C2CD3: variants seen among roughly 807,000 people sequenced by gnomAD.
The protein encoded by C2CD3 is C2 domain-containing protein 3.
Under a neutral mutation model 234.0 loss-of-function variants are expected in C2CD3, and 148 were observed. The ratio of observed to expected loss-of-function variants is 0.63; its 90% CI spans 0.55 to 0.72. The LOEUF is 0.72. C2CD3 is among the 30% of genes least tolerant of loss of function. The pLI, the probability that C2CD3 is intolerant of heterozygous loss-of-function variation, is 0.00. For missense variants in C2CD3, 2,577 were observed against 2,811.5 expected (o/e 0.92, Z 1.89); for synonymous variants, 1,000 against 1,035.4 (o/e 0.97, Z 0.66).
At chr11:74,063,982 T>A (rs1303559648) in intron 24 of C2CD3, among the ~76,000 whole-genome samples, 1 of 152,000 alleles carries the variant, frequency 6.6e-6, no homozygotes, top group African/African-American at 2.4e-5. Context: ...CATGTGCCAT[T>A]TTGGTGTGCT....
intron 22 of C2CD3, among the ~76,000 whole-genome samples, chr11:74,080,509 A>G (rs1207927617): frequency 1.3e-5 from 2 of 152,210 alleles, no homozygotes; most frequent in East Asian, 3.8e-4. Context: ...ATGTGTAGAC[A>G]CAAAATTTCA....
intron 20 of C2CD3, among the ~76,000 whole-genome samples, chr11:74,088,373 G>A (rs923566831): frequency 4.6e-5 from 7 of 152,290 alleles, no homozygotes; most frequent in Middle Eastern, 3.4e-3. Context: ...GAGACTAGAA[G>A]CTATAGTGTC....
chr11:74,135,213 C>A (rs1302556351), intron 5 of C2CD3, among the ~76,000 whole-genome samples: 5 of 151,950 alleles, frequency 3.3e-5, no homozygotes, highest in African/African-American at 1.2e-4. Context: ...CCTAGTGATT[C>A]AAACACTTGT....
At chr11:74,109,674 G>T (rs1376336164) in intron 11 of C2CD3, among the ~76,000 whole-genome samples, 1 of 152,160 alleles carries the variant, frequency 6.6e-6, no homozygotes, top group African/African-American at 2.4e-5. Context: ...TCTATCTCTT[G>T]GGTGGAAAGG....
chr11:74,028,579 TATA>T (rs1952400152), intron 31 of C2CD3, among the ~76,000 whole-genome samples, 181 bp from the exon 32 acceptor site: 1 of 152,146 alleles, frequency 6.6e-6, no homozygotes, highest in African/African-American at 2.4e-5. Flanking sequence ...TCCTAACACA[TATA>T]AGTTTTTTAT....
rs114708917 is a variant in C2CD3 at position 74,132,939 on chromosome 11, G to T, written c.1122C>A (p.Asp374Glu). The change falls in exon 7 of 33, where the codon GAC becomes GAA. Residue 374 changes from aspartate (D) to glutamate (E), a missense_variant. Asp to Glu is a conservative substitution (Grantham distance 45). Coordinates refer to ENST00000334126, the MANE Select transcript of C2CD3 (RefSeq NM_001286577.2). The stretch of plus-strand genomic sequence containing the variant: ...AAGGGAGGAGGTGATCTTCAATGTG[G>T]TCTTTAAACCGATTCCTAGAAAAGG... ...IRAFSRNRFKDHIEDHLLPST... is the reference protein window; with the variant it reads ...IRAFSRNRFKEHIEDHLLPST... 2 of 1,613,694 alleles carry T rather than the reference G, an allele frequency of 1.2e-6. No homozygotes were observed. The highest frequency in any genetic ancestry group is 3.3e-5 in the Admixed American group (2 of 60,014).
chr11:74,132,351 A>C (rs1957704908), intron 7 of C2CD3, among the ~76,000 whole-genome samples: 1 of 152,200 alleles, frequency 6.6e-6, no homozygotes, highest in African/African-American at 2.4e-5. Context: ...ACTCCGTCTC[A>C]AAAAAACAAA....
chr11:74,085,171 T>A (rs574432334), intron 21 of C2CD3, among the ~76,000 whole-genome samples: 1 of 144,764 alleles, frequency 6.9e-6, no homozygotes, highest in Non-Finnish European at 1.5e-5. Context: ...AGGGTCTCAC[T>A]CTCTCATCCA....
chr11:74,151,615 A>G (rs1855666931), intron 3 of C2CD3, among the ~76,000 whole-genome samples: 1 of 152,120 alleles, frequency 6.6e-6, no homozygotes, highest in Non-Finnish European at 1.5e-5. Flanking sequence ...GCATGAGCCA[A>G]CGTGCCTGGC....
At position 74,034,293 on chromosome 11, in the gene C2CD3, A is replaced by AT; in HGVS notation, c.5882-16dup. 1 of 1,528,180 alleles carries AT rather than the reference A, an allele frequency of 6.5e-7. No homozygotes were observed. Among genetic ancestry groups the AT allele is most frequent in the Non-Finnish European group, 8.8e-7 (1 of 1,142,194 alleles). The allele number at this position is 1,528,180 out of a possible 1,614,324, so 94.7% of individuals were successfully genotyped here. A position where few individuals can be genotyped will look rare whatever the true frequency, so the allele number is the denominator to read the frequency against. The stretch of plus-strand genomic sequence containing the variant: ...AGTCTGCAGATCTGAACAGCAACAC[A>AT]TATCACTCTTATTACAAGGTAGGGC... On this transcript the variant is annotated splice_polypyrimidine_tract_variant and intron_variant, in intron 30 of 32. Transcript: ENST00000334126.
intron 5 of C2CD3, among the ~76,000 whole-genome samples, chr11:74,135,555 T>C (rs1957835186): frequency 6.6e-6 from 1 of 152,204 alleles, no homozygotes; most frequent in South Asian, 2.1e-4. Context: ...TAGTCAGAGA[T>C]GTGAAGTATG....
chr11:74,017,821 T>G (rs1234304430), intron 32 of C2CD3, among the ~76,000 whole-genome samples: 1 of 152,224 alleles, frequency 6.6e-6, no homozygotes, highest in East Asian at 1.9e-4. Context: ...CCCTCTTCTT[T>G]GGCCTGGAAC....
chr11:74,038,069 T>C (rs1475572037), intron 29 of C2CD3, among the ~76,000 whole-genome samples: 1 of 152,228 alleles, frequency 6.6e-6, no homozygotes, highest in African/African-American at 2.4e-5. Flanking sequence ...CTCATAACCA[T>C]TCCTGATCCT....
intron 24 of C2CD3, among the ~76,000 whole-genome samples, chr11:74,072,140 A>C (rs1954823492): frequency 6.6e-6 from 1 of 152,176 alleles, no homozygotes; most frequent in Non-Finnish European, 1.5e-5. Context: ...GTGGGGCAGA[A>C]AATTTTTTTT....
In C2CD3 at chr11:74,101,743, TAGG is replaced by T. The variant is rs141452095; in HGVS notation, c.2581-1070_2581-1068del. On this transcript the variant is annotated intron_variant, in intron 14 of 32. Transcript: ENST00000334126. ...AAGAGCACATATGAAGATACAGAAG[TAGG>T]AGAAGAGAATATTCAGGAAAGTCTA... is the stretch of plus-strand genomic sequence containing the variant. 5.6e-3 allele frequency among the ~76,000 whole-genome samples: 844 copies of T among 151,134 alleles called. 3 individuals are homozygous for T. Among genetic ancestry groups the T allele is most frequent in the Middle Eastern group, 0.017 (5 of 294 alleles).
In C2CD3 at chr11:74,098,273, G is replaced by C; in HGVS notation, c.2733-18C>G. The stretch of plus-strand genomic sequence containing the variant: ...TAGCATCTCTAGAGGGGGAGAAATT[G>C]TGAATAAGCAAATAACAAGCATCAA... On this transcript the variant is annotated intron_variant, in intron 15 of 32. Transcript: ENST00000334126. The C allele has an allele frequency of 6.2e-7, 1 of 1,609,192 alleles. No individual in the cohort carries two copies. Among genetic ancestry groups the C allele is most frequent in the Non-Finnish European group, 8.5e-7 (1 of 1,176,604 alleles).
At chr11:74,075,961 G>T (rs552662310) in intron 23 of C2CD3, among the ~76,000 whole-genome samples, 3 of 152,320 alleles carry the variant, frequency 2.0e-5, no homozygotes, top group Admixed American at 2.0e-4. Context: ...AGAAACGGAT[G>T]ATCTGAAAAG....
In C2CD3 at chr11:74,041,715, T is replaced by C. The variant is rs1235735824; in HGVS notation, c.5660+339A>G. On this transcript the variant is annotated intron_variant, in intron 29 of 32. Transcript: ENST00000334126. ...AAACTAAGAAAGGAACAGAAAAGAG[T>C]TAACAGGACAGAGGCTGGTCTGGAC... 1.3e-5 allele frequency among the ~76,000 whole-genome samples: 2 copies of C among 152,086 alleles called. 1 individual carries two copies. Among genetic ancestry groups the C allele is most frequent in the East Asian group, 3.9e-4 (2 of 5,188 alleles).
At position 74,117,374 on chromosome 11, in the gene C2CD3, ATATATATATATAT is replaced by A. The variant is rs1439315186; in HGVS notation, c.1520+841_1520+853del. On this transcript the variant is annotated intron_variant, in intron 9 of 32. Coordinates refer to ENST00000334126, the MANE Select transcript of C2CD3 (RefSeq NM_001286577.2). Reference sequence around the variant, plus strand: ...CATTTGGCCTCAAATATATATATATATATATATATATATATATGGAATACTACTCAACTATAAA... The same window carrying A: ...CATTTGGCCTCAAATATATATATATAATATGGAATACTACTCAACTATAAA... 1.5e-3 allele frequency among the ~76,000 whole-genome samples: 103 copies of A among 69,166 alleles called. 3 individuals are homozygous for A. Among genetic ancestry groups the A allele is most frequent in the African/African-American group, 0.011 (100 of 9,400 alleles). The allele number at this position is 69,166 out of a possible 152,430, so 45.4% of individuals were successfully genotyped here. A position where few individuals can be genotyped will look rare whatever the true frequency, so the allele number is the denominator to read the frequency against.
Sources: allele counts gnomAD v4.1 joint callset (sites outside exome capture counted in the v4.1 genomes callset), GRCh38; gene constraint gnomAD v4.1.1; transcripts MANE v1.5; gene names NCBI Gene and HGNC (gene_info 2026-07-23, HGNC 2026-07-21).